LEPR: variants seen among roughly 807,000 people sequenced by gnomAD.
The protein encoded by LEPR is leptin receptor.
In LEPR, 56 loss-of-function variants were observed where a neutral mutation model predicts 114.7. The ratio of observed to expected loss-of-function variants is 0.49; its 90% CI spans 0.39 to 0.61. The LOEUF (loss-of-function observed/expected upper bound fraction) is 0.61. Among genes scored for constraint, LEPR ranks in the 20% least tolerant of loss-of-function variants. The pLI is 0.00. For missense variants in LEPR, 1,202 were observed against 1,352.9 expected, an observed-to-expected ratio of 0.89 and a Z score of 1.75; for synonymous variants, 443 against 461.4, an observed-to-expected ratio of 0.96 and a Z score of 0.51.
chr1:65,571,256 T>C (rs1654127637), intron 4 of LEPR, among the ~76,000 whole-genome samples: 1 of 152,200 alleles, frequency 6.6e-6, no homozygotes, highest in Non-Finnish European at 1.5e-5. Flanking sequence ...GGTGATGTGA[T>C]GATCTGTGTA....
rs574757992 is a variant in LEPR at position 65,467,352 on chromosome 1, A to G, written c.-21+41974A>G. Among the ~76,000 whole-genome samples the G allele has an allele frequency of 2.2e-4, 34 of 152,192 alleles. No individual in the cohort carries two copies. The South Asian group carries it at 6.9e-3, about 31-fold the overall frequency. On this transcript the variant is annotated intron_variant, in intron 2 of 19. Coordinates refer to ENST00000349533, the MANE Select transcript of LEPR (RefSeq NM_002303.6). ...TCCAGACCCTGTTTGCCTGGGTATC[A>G]CCAGTGGAGGCTGCAGAACAGCAAA...
intron 2 of LEPR, among the ~76,000 whole-genome samples, chr1:65,501,508 CATCCTA>C (rs1229997241): frequency 6.6e-6 from 1 of 151,588 alleles, no homozygotes; most frequent in East Asian, 2.0e-4. Context: ...GATTAGGTCT[CATCCTA>C]ATCAACAATG....
intron 2 of LEPR, among the ~76,000 whole-genome samples, chr1:65,470,190 T>C (rs1395595090): frequency 6.6e-6 from 1 of 152,222 alleles, no homozygotes; most frequent in Non-Finnish European, 1.5e-5. Context: ...TTTTAAACAC[T>C]TATTGTGCCA....
intron 2 of LEPR, among the ~76,000 whole-genome samples, chr1:65,515,664 T>C (rs1192029760): frequency 6.6e-6 from 1 of 152,224 alleles, no homozygotes; most frequent in Non-Finnish European, 1.5e-5. Flanking sequence ...TTGTTCTGTA[T>C]GTATTTGTTC....
chr1:65,556,894 C>T (rs1018028808), intron 2 of LEPR, among the ~76,000 whole-genome samples: 1 of 151,982 alleles, frequency 6.6e-6, no homozygotes, highest in Non-Finnish European at 1.5e-5. Flanking sequence ...ATGATCTGGT[C>T]AATGTGTTAA....
chr1:65,551,959 A>G (rs1479924302), intron 2 of LEPR, among the ~76,000 whole-genome samples: 1 of 152,098 alleles, frequency 6.6e-6, no homozygotes. Flanking sequence ...TAATTTCATT[A>G]TTTACCCAGT....
intron 5 of LEPR, chr1:65,578,509 G>T (rs1326317263): frequency 3.0e-5 from 5 of 168,470 alleles, no homozygotes; most frequent in Non-Finnish European, 6.6e-5. Context: ...CTGCCCAGGG[G>T]GTGAGGAGTG....
At chr1:65,549,228 G>T (rs916874360) in intron 2 of LEPR, among the ~76,000 whole-genome samples, 1 of 149,460 alleles carries the variant, frequency 6.7e-6, no homozygotes, top group African/African-American at 2.5e-5. Flanking sequence ...CTTTCTCTCT[G>T]GCTGCCCTTA....
At chr1:65,486,049 C>T (rs1647469522) in intron 2 of LEPR, among the ~76,000 whole-genome samples, 1 of 152,184 alleles carries the variant, frequency 6.6e-6, no homozygotes, top group Admixed American at 6.5e-5. Context: ...TCATAGTTAT[C>T]TCCACTTGCT....
intron 2 of LEPR, among the ~76,000 whole-genome samples, chr1:65,478,480 T>G (rs1647182250): frequency 1.3e-5 from 2 of 152,230 alleles, no homozygotes; most frequent in Non-Finnish European, 2.9e-5. Flanking sequence ...TTCAGGGAGA[T>G]GTATTTAGTC....
intron 2 of LEPR, among the ~76,000 whole-genome samples, chr1:65,455,315 G>A (rs973924570): frequency 3.9e-5 from 6 of 152,178 alleles, no homozygotes; most frequent in Admixed American, 1.3e-4. Context: ...GCTTTGTTCC[G>A]TTGCTGGTGA....
intron 16 of LEPR, 89 bp from the exon 17 acceptor site, chr1:65,619,839 T>C: frequency 1.0e-6 from 1 of 1,000,002 alleles, no homozygotes; most frequent in Non-Finnish European, 1.6e-6. Flanking sequence ...AAATATATGA[T>C]AGTCACTTTA....
chr1:65,575,569 T>C (rs1030946914), intron 5 of LEPR, among the ~76,000 whole-genome samples: 2 of 151,560 alleles, frequency 1.3e-5, no homozygotes, highest in African/African-American at 4.9e-5. Context: ...AATGATGCCT[T>C]CTGAAGTTAA....
chr1:65,503,207 C>G (rs534868428), intron 2 of LEPR, among the ~76,000 whole-genome samples: 26 of 152,210 alleles, frequency 1.7e-4, no homozygotes, highest in Non-Finnish European at 3.1e-4. Context: ...AGTGATGAAA[C>G]CATTCTGCAT....
intron 2 of LEPR, among the ~76,000 whole-genome samples, chr1:65,537,623 T>C (rs1010402786): frequency 2.0e-5 from 3 of 152,188 alleles, no homozygotes; most frequent in Non-Finnish European, 4.4e-5. Context: ...TTCCATTAAC[T>C]ACAGACAGTT....
At chr1:65,594,918 T>C (rs531140103) in intron 6 of LEPR, among the ~76,000 whole-genome samples, 2 of 152,010 alleles carry the variant, frequency 1.3e-5, no homozygotes, top group Non-Finnish European at 2.9e-5. Context: ...GAAATTGACA[T>C]TGGGTTTATT....
intron 5 of LEPR, 132 bp from the exon 6 acceptor site, chr1:65,592,525 T>TG: frequency 1.1e-6 from 1 of 892,564 alleles, no homozygotes; most frequent in Admixed American, 2.8e-5. Context: ...TGTAGGGTTT[T>TG]TTTTTTTCAG....
At chr1:65,491,195 C>T (rs1647849331) in intron 2 of LEPR, among the ~76,000 whole-genome samples, 1 of 152,090 alleles carries the variant, frequency 6.6e-6, no homozygotes. Context: ...GGGAGATCAG[C>T]CTGGCCTTAA....
chr1:65,587,935 A>G (rs1655424538), intron 5 of LEPR, among the ~76,000 whole-genome samples: 1 of 152,006 alleles, frequency 6.6e-6, no homozygotes. Flanking sequence ...TTAAATTATT[A>G]CATTTGTTAA....
Sources: gnomAD v4.1 joint callset for allele counts (sites outside exome capture counted in the v4.1 genomes callset) on GRCh38, gnomAD v4.1.1 for gene constraint, MANE v1.5 for transcripts, NCBI Gene and HGNC (gene_info 2026-07-23, HGNC 2026-07-21) for gene names.